IL9R: variants seen among roughly 807,000 people sequenced by gnomAD.
The protein encoded by IL9R is interleukin 9 receptor.
In IL9R, 54 loss-of-function variants were observed where a neutral mutation model predicts 56.3. The ratio of observed to expected loss-of-function variants is 0.96; its 90% CI spans 0.77 to 1.20. The LOEUF is 1.20. IL9R is among the 50% of genes most tolerant of loss of function. The probability of loss-of-function intolerance (pLI) is 0.00; values close to 1 mark genes in which losing one functional copy is unlikely to be tolerated. For missense variants in IL9R, 545 were observed against 629.8 expected (o/e 0.87, Z 1.44); for synonymous variants, 212 against 250.2 (o/e 0.85, Z 1.44).
At position 156,010,067 on chromosome X, in the gene IL9R, G is replaced by A; in HGVS notation, c.1224G>A (p.Leu408=). ...TEWRVQTLAY[L]PQEDWAPTSL... ...GGAGGGTACAGACGCTTGCCTATCTGCCACAGGAGGACTGGGCCCCCACGT... is the reference window on the plus strand; with the variant it reads ...GGAGGGTACAGACGCTTGCCTATCTACCACAGGAGGACTGGGCCCCCACGT... Residue 408 remains leucine (L), a synonymous_variant, in exon 9 of 9, where the codon CTG becomes CTA. Coordinates refer to ENST00000244174, the MANE Select transcript of IL9R (RefSeq NM_002186.3). 6.4e-7 allele frequency: 1 copy of A among 1,562,044 alleles called. No individual in the cohort carries two copies. Among genetic ancestry groups the A allele is most frequent in the Non-Finnish European group, 8.6e-7 (1 of 1,160,978 alleles).
At chrX:156,003,392 G>T in intron 2 of IL9R, 57 bp from the exon 3 acceptor site, 2 of 1,229,628 alleles carry the variant, frequency 1.6e-6, no homozygotes, top group Non-Finnish European at 2.4e-6. Flanking sequence ...CCCAACCCCC[G>T]AGCTCAGCTC....
rs1347425575 is a variant in IL9R, at chrX:155,998,262, AG to A, written c.28+477del. On this transcript the variant is annotated intron_variant, in intron 1 of 8. Coordinates refer to ENST00000244174, the MANE Select transcript of IL9R (RefSeq NM_002186.3). ...GTTTTAGGGCAGAAGAGGAGCCAGG[AG>A]GATGGGTATGCCCCACTGGAGCTGT... Among the ~76,000 whole-genome samples, 17 of 152,072 alleles carry A rather than the reference AG, an allele frequency of 1.1e-4. 1 individual carries two copies. In the East Asian group the frequency reaches 3.3e-3, roughly 30 times the overall value.
chrX:156,002,891 C>A lies in IL9R; in HGVS notation c.29-15C>A. 2 of 1,613,686 alleles carry A rather than the reference C, an allele frequency of 1.2e-6. No homozygotes were observed. Among genetic ancestry groups the A allele is most frequent in the Non-Finnish European group, 1.7e-6 (2 of 1,179,862 alleles). ...GGGATGATTTGCACAGGGCCCTCAG[C>A]CCAGTCCCTTGCAGGCTGGACCTTG... is the stretch of plus-strand genomic sequence containing the variant. On this transcript the variant is annotated splice_polypyrimidine_tract_variant and intron_variant, in intron 1 of 8. Coordinates refer to ENST00000244174, the MANE Select transcript of IL9R (RefSeq NM_002186.3).
At chrX:156,004,808 ATG>A (rs1223587619) in intron 5 of IL9R, among the ~76,000 whole-genome samples, 5 of 150,288 alleles carry the variant, frequency 3.3e-5, no homozygotes, top group African/African-American at 9.8e-5. Flanking sequence ...GTGTGCATGT[ATG>A]TGTTTATGTG....
intron 1 of IL9R, 63 bp downstream of exon 1, chrX:155,997,850 G>T: frequency 1.3e-6 from 2 of 1,494,988 alleles, no homozygotes; most frequent in Non-Finnish European, 1.9e-6. Context: ...AGGCAGAGAG[G>T]GACATGTGGC....
chrX:156,001,621 G>GGGTA lies in IL9R; in HGVS notation c.29-1285_29-1284insGGTA, dbSNP rs1458638210. 29 of 659,760 alleles carry GGGTA rather than the reference G, an allele frequency of 4.4e-5. No individual in the cohort carries two copies. In the East Asian group the frequency reaches 5.0e-4, roughly 11 times the overall value. The allele number at this position is 659,760 out of a possible 1,614,324, so 40.9% of individuals were successfully genotyped here. A position where few individuals can be genotyped will look rare whatever the true frequency, so the allele number is the denominator to read the frequency against. On this transcript the variant is annotated intron_variant, in intron 1 of 8. Transcript: ENST00000244174. ...AGTAGTGCCTGCTGCCCATTGGTTTGTGCGGTCCTTTAAGGCTGTAAGTCT... is the reference window on the plus strand; with the variant it reads ...AGTAGTGCCTGCTGCCCATTGGTTTGGGTATGCGGTCCTTTAAGGCTGTAAGTCT...
chrX:156,004,959 G>A (rs2067815359), intron 5 of IL9R, among the ~76,000 whole-genome samples: 1 of 152,136 alleles, frequency 6.6e-6, no homozygotes, highest in Non-Finnish European at 1.5e-5. Flanking sequence ...GAGTGTGTAT[G>A]TGAGTGTGGT....
intron 4 of IL9R, 64 bp from the exon 5 acceptor site, chrX:156,004,356 G>A (rs2067757644): frequency 2.6e-6 from 4 of 1,567,136 alleles, no homozygotes; most frequent in Non-Finnish European, 2.6e-6. Context: ...CCAGTCTTGT[G>A]TGTTCTGACT....
intron 1 of IL9R, among the ~76,000 whole-genome samples, chrX:156,000,061 G>A (rs780746420): frequency 5.3e-5 from 8 of 151,808 alleles, no homozygotes; most frequent in South Asian, 2.1e-4. Context: ...ACTTGAACTC[G>A]GGAGGCAGAG....
intron 7 of IL9R, among the ~76,000 whole-genome samples, chrX:156,007,077 A>G (rs949443844): frequency 8.6e-5 from 13 of 151,744 alleles, no homozygotes; most frequent in Non-Finnish European, 8.8e-5. Context: ...GGTGAAGTCT[A>G]TTTGGACCTG....
chrX:156,003,498 C>T lies in IL9R; in HGVS notation c.192C>T (p.Ile64=), dbSNP rs1441044045. The change falls in exon 3 of 9, where the codon ATC becomes ATT. Residue 64 remains isoleucine (I), a synonymous_variant. Coordinates refer to ENST00000244174, the MANE Select transcript of IL9R (RefSeq NM_002186.3). ...FTCLTNNILR[I]DCHWSAPELG... ...GCCTCACCAACAACATTCTCAGGATCGATTGCCACTGGTCTGCCCCAGAGC... is the reference window on the plus strand; with the variant it reads ...GCCTCACCAACAACATTCTCAGGATTGATTGCCACTGGTCTGCCCCAGAGC... The T allele has an allele frequency of 1.9e-6, 3 of 1,612,404 alleles. No homozygotes were observed. The highest frequency in any genetic ancestry group is 1.7e-6 in the Non-Finnish European group (2 of 1,179,816).
Position 156,004,244 on chromosome X carries a change from C to T in IL9R, c.434-176C>T, listed in dbSNP as rs749617734. On this transcript the variant is annotated intron_variant, in intron 4 of 8. Transcript: ENST00000244174. ...TCTAGGTGCAGAGGCCAGAGGAAGT[C>T]ATTGCTGTCCTGTCCCGCCTGGGGC... The T allele has an allele frequency of 1.2e-4, 76 of 634,152 alleles. 1 individual carries two copies. Among genetic ancestry groups the T allele is most frequent in the Non-Finnish European group, 2.1e-4 (75 of 356,584 alleles). 39.3% of individuals were successfully genotyped at this position (634,152 alleles called of 1,614,324 possible).
At chrX:155,998,315 T>C (rs2067275546) in intron 1 of IL9R, among the ~76,000 whole-genome samples, 1 of 151,696 alleles carries the variant, frequency 6.6e-6, no homozygotes, top group East Asian at 1.9e-4. Flanking sequence ...GAGGGTGGGA[T>C]TCCAGAGGGA....
Position 155,997,850 on chromosome X carries a change from G to A in IL9R, c.28+63G>A. Reference sequence around the variant, plus strand: ...AGCATGAAATTCAGAAGGCAGAGAGGGACATGTGGCCCTCCAACTCGGGGC... The same window carrying A: ...AGCATGAAATTCAGAAGGCAGAGAGAGACATGTGGCCCTCCAACTCGGGGC... On this transcript the variant is annotated intron_variant, in intron 1 of 8. Coordinates refer to ENST00000244174, the MANE Select transcript of IL9R (RefSeq NM_002186.3). 2.7e-6 allele frequency: 4 copies of A among 1,494,988 alleles called. No homozygotes were observed. In the East Asian group the frequency reaches 9.1e-5, roughly 34 times the overall value. The allele number at this position is 1,494,988 out of a possible 1,614,324, so 92.6% of individuals were successfully genotyped here.
At chrX:156,006,870 T>G (rs1240435187) in intron 7 of IL9R, among the ~76,000 whole-genome samples, 7 of 150,264 alleles carry the variant, frequency 4.7e-5, no homozygotes, top group Non-Finnish European at 8.9e-5. Flanking sequence ...ATGGGGGACC[T>G]GCTGGAGGCC....
chrX:156,001,194 C>A, intron 1 of IL9R: 1 of 609,590 alleles, frequency 1.6e-6, no homozygotes, highest in South Asian at 1.9e-5. Flanking sequence ...AAGCCGTCTG[C>A]TCCTGGGTTA....
Position 156,003,517 on chromosome X carries a change from C to A in IL9R, c.211C>A (p.Pro71Thr), listed in dbSNP as rs777708074. Residue 71 changes from proline to threonine, a missense_variant, in exon 3 of 9, where the codon CCA (proline) becomes ACA (threonine). Pro to Thr is a conservative substitution (Grantham distance 38). Coordinates refer to ENST00000244174, the MANE Select transcript of IL9R (RefSeq NM_002186.3). ...CAGGATCGATTGCCACTGGTCTGCC[C>A]CAGAGCTGGGACAGGGCTCCAGCCC... Reference protein sequence around the residue: ...ILRIDCHWSAPELGQGSSPWL... With the variant: ...ILRIDCHWSATELGQGSSPWL... 2 of 1,612,854 alleles carry A rather than the reference C, an allele frequency of 1.2e-6. No homozygotes were observed. The highest frequency in any genetic ancestry group is 2.2e-5 in the South Asian group (2 of 91,000).
intron 1 of IL9R, among the ~76,000 whole-genome samples, chrX:155,998,009 G>C (rs964682288): frequency 6.6e-6 from 1 of 152,168 alleles, no homozygotes; most frequent in Non-Finnish European, 1.5e-5. Flanking sequence ...TTCCAGTCCT[G>C]TAGGGGTCAT....
intron 7 of IL9R, 126 bp from the exon 8 acceptor site, chrX:156,007,397 G>A (rs2068050515): frequency 5.6e-6 from 4 of 716,932 alleles, no homozygotes; most frequent in Non-Finnish European, 1.0e-5. Context: ...GTGATGAGAT[G>A]GGAGAGAGGC....
Sources: allele counts gnomAD v4.1 joint callset (sites outside exome capture counted in the v4.1 genomes callset), GRCh38; gene constraint gnomAD v4.1.1; transcripts MANE v1.5; gene names NCBI Gene and HGNC (gene_info 2026-07-23, HGNC 2026-07-21).